Variants in NCAM2 observed in about 807,000 individuals in gnomAD.
The protein encoded by NCAM2 is N-CAM-2.
NCAM2 carries 30 observed loss-of-function variants against 98.1 expected under a neutral mutation model. The ratio of observed to expected loss-of-function variants is 0.31; its 90% CI spans 0.23 to 0.41. NCAM2 has a LOEUF of 0.41. NCAM2 is among the 10% of genes least tolerant of loss of function. The pLI, the probability that NCAM2 is intolerant of heterozygous loss-of-function variation, is 1.00. For synonymous variants in NCAM2, 368 were observed against 342.4 expected (o/e 1.07, Z -0.83); for missense variants, 867 against 1,005.8 (o/e 0.86, Z 1.87).
rs577128935 is a variant in NCAM2 at position 21,198,479 on chromosome 21, T to C, written c.56-82099T>C. ...TTACCTTGAATAGAGAATGACCTTA[T>C]AGAAAGATGAATTAAAATGCTTTAG... is the stretch of plus-strand genomic sequence containing the variant. On this transcript the variant is annotated intron_variant, in intron 1 of 17. Transcript: ENST00000400546. Among the ~76,000 whole-genome samples the C allele has an allele frequency of 4.6e-5, 7 of 152,282 alleles. No individual in the cohort carries two copies. In the South Asian group the frequency reaches 1.2e-3, roughly 27 times the overall value.
At chr21:21,171,303 T>A (rs748070173) in intron 1 of NCAM2, among the ~76,000 whole-genome samples, 2 of 152,102 alleles carry the variant, frequency 1.3e-5, no homozygotes, top group Non-Finnish European at 2.9e-5. Context: ...AGAAAAAAAA[T>A]TAGTTAGAAC....
chr21:21,217,459 G>A (rs73896608), intron 1 of NCAM2, among the ~76,000 whole-genome samples: 1,522 of 152,132 alleles, frequency 0.01, 24 homozygotes, highest in African/African-American at 0.035. Flanking sequence ...TTATGTCTCT[G>A]TTGCAGAAGT....
intron 1 of NCAM2, among the ~76,000 whole-genome samples, chr21:21,137,105 A>C (rs1410977538): frequency 7.2e-5 from 11 of 152,072 alleles, no homozygotes; most frequent in Non-Finnish European, 2.9e-5. Context: ...TCAGACTCCC[A>C]AAGTGCTGGG....
intron 16 of NCAM2, among the ~76,000 whole-genome samples, chr21:21,520,401 CGT>C (rs1602549048): frequency 6.6e-6 from 1 of 151,994 alleles, no homozygotes; most frequent in African/African-American, 2.4e-5. Flanking sequence ...TTAACTAGCT[CGT>C]GTGTGTCTGG....
intron 1 of NCAM2, among the ~76,000 whole-genome samples, chr21:21,073,048 C>G (rs1261226314): frequency 2.0e-5 from 3 of 152,100 alleles, no homozygotes; most frequent in Non-Finnish European, 4.4e-5. Flanking sequence ...GCTCTGTGTA[C>G]TTGATGTAAG....
intron 1 of NCAM2, among the ~76,000 whole-genome samples, chr21:21,231,031 A>G (rs1039870077): frequency 5.9e-5 from 9 of 151,392 alleles, no homozygotes; most frequent in Admixed American, 4.6e-4. Context: ...AAATTTTGAA[A>G]ATTTAAAAAT....
intron 1 of NCAM2, among the ~76,000 whole-genome samples, chr21:21,131,294 A>AT (rs34066340): frequency 1.3e-4 from 19 of 147,046 alleles, no homozygotes; most frequent in African/African-American, 4.4e-4. Context: ...GGGGGCTTTA[A>AT]TTTTTTTCAG....
intron 1 of NCAM2, among the ~76,000 whole-genome samples, chr21:21,218,904 G>A (rs1228000491): frequency 6.6e-6 from 1 of 152,198 alleles, no homozygotes; most frequent in African/African-American, 2.4e-5. Flanking sequence ...TTAGGTGGGC[G>A]TGGTGGCACA....
intron 1 of NCAM2, among the ~76,000 whole-genome samples, chr21:21,264,384 T>C (rs1271992904): frequency 2.0e-5 from 3 of 152,034 alleles, no homozygotes; most frequent in South Asian, 4.1e-4. Flanking sequence ...GAAACACTTA[T>C]ACATCATCAA....
chr21:21,288,681 C>A (rs1054311858), intron 4 of NCAM2, among the ~76,000 whole-genome samples: 1 of 151,684 alleles, frequency 6.6e-6, no homozygotes, highest in African/African-American at 2.4e-5. Flanking sequence ...TAATATTATT[C>A]ACTGCTTATA....
chr21:21,082,569 T>C (rs1379495786), intron 1 of NCAM2, among the ~76,000 whole-genome samples: 2 of 152,182 alleles, frequency 1.3e-5, no homozygotes, highest in East Asian at 3.9e-4. Flanking sequence ...ACCTATGCTA[T>C]TTTTACCACT....
chr21:21,528,981 C>CA (rs762588168), intron 16 of NCAM2, among the ~76,000 whole-genome samples: 8 of 152,066 alleles, frequency 5.3e-5, no homozygotes, highest in East Asian at 1.9e-4. Flanking sequence ...ACACAGATTA[C>CA]AAAAAACGAG....
chr21:21,415,198 G>C (rs759081086), intron 10 of NCAM2, among the ~76,000 whole-genome samples: 10 of 152,064 alleles, frequency 6.6e-5, no homozygotes, highest in Non-Finnish European at 5.9e-5. Context: ...TTGGAAGTTT[G>C]AACCCTGCCC....
At chr21:21,438,558 G>T (rs188843116) in intron 12 of NCAM2, among the ~76,000 whole-genome samples, 10 of 152,130 alleles carry the variant, frequency 6.6e-5, no homozygotes, top group Non-Finnish European at 1.3e-4. Flanking sequence ...GAACTATAGA[G>T]ATATAGAATG....
At position 21,292,147 on chromosome 21, in the gene NCAM2, C is replaced by T. The variant is rs779423340; in HGVS notation, c.525C>T (p.Asn175=). 1.9e-6 allele frequency: 3 copies of T among 1,610,842 alleles called. No individual in the cohort carries two copies. The highest frequency in any genetic ancestry group is 2.2e-5 in the East Asian group (1 of 44,746). Residue 175 remains asparagine (N), a synonymous_variant, in exon 5 of 18, where the codon AAC becomes AAT. Transcript: ENST00000400546. ...MLANNNLQIL[N]INKSDEGIYR... ...CAAACAATAACCTGCAGATTCTCAA[C>T]ATCAATAAAAGTGATGAAGGTATAT...
chr21:21,453,943 A>G (rs1191205344), intron 12 of NCAM2, among the ~76,000 whole-genome samples: 1 of 152,044 alleles, frequency 6.6e-6, no homozygotes, highest in Non-Finnish European at 1.5e-5. Context: ...GAGGTCTACA[A>G]TGACAATAGT....
intron 1 of NCAM2, among the ~76,000 whole-genome samples, chr21:21,063,443 G>C (rs1303820760): frequency 6.6e-6 from 1 of 151,446 alleles, no homozygotes; most frequent in African/African-American, 2.4e-5. Context: ...CTGGTCTTGA[G>C]CTCCTGGCCT....
At chr21:21,369,610 A>G (rs533716781) in intron 8 of NCAM2, among the ~76,000 whole-genome samples, 1 of 151,912 alleles carries the variant, frequency 6.6e-6, no homozygotes, top group South Asian at 2.1e-4. Flanking sequence ...CCTGGCCAAC[A>G]TGTGTTACTA....
rs1272982378 is a variant in NCAM2 at position 21,463,911 on chromosome 21, A to G, written c.1655-2695A>G. 2.0e-5 allele frequency: 3 copies of G among 151,796 alleles called. No homozygotes were observed. The East Asian group carries it at 5.8e-4, about 29-fold the overall frequency. 9.4% of individuals were successfully genotyped at this position (151,796 alleles called of 1,614,324 possible). A position where few individuals can be genotyped will look rare whatever the true frequency, so the allele number is the denominator to read the frequency against. ...ATCATCTTTATTGTTTAACCTAATT[A>G]ATAACCTCAACTTTTCTCACAGTAG... On this transcript the variant is annotated intron_variant, in intron 12 of 17. Coordinates refer to ENST00000400546, the MANE Select transcript of NCAM2 (RefSeq NM_004540.5).
Sources: allele counts gnomAD v4.1 joint callset (sites outside exome capture counted in the v4.1 genomes callset), GRCh38; gene constraint gnomAD v4.1.1; transcripts MANE v1.5; gene names NCBI Gene and HGNC (gene_info 2026-07-23, HGNC 2026-07-21).